Variants in TRRAP observed in about 807,000 individuals in gnomAD.
TRRAP encodes the protein transformation/transcription domain-associated protein.
Under a neutral mutation model 438.8 loss-of-function variants are expected in TRRAP, and 41 were observed. That is an observed-to-expected ratio of 0.09 (90% CI 0.07 to 0.12). The LOEUF is 0.12. TRRAP is among the 10% of genes least tolerant of loss of function. The pLI is 1.00. For missense variants in TRRAP, 3,122 were observed against 5,055.1 expected (o/e 0.62, Z 11.60); for synonymous variants, 1,994 against 1,962.9 (o/e 1.02, Z -0.42).
At chr7:98,991,341 G>A (rs188109841) in intron 64 of TRRAP, among the ~76,000 whole-genome samples, 2 of 152,310 alleles carry the variant, frequency 1.3e-5, no homozygotes, top group African/African-American at 4.8e-5. Context: ...CTGGGCCCGC[G>A]CGTTCTGCCC....
Position 98,961,221 on chromosome 7 carries a change from G to C in TRRAP, c.6490-40G>C, listed in dbSNP as rs780601256. 4 of 1,598,946 alleles carry C rather than the reference G, an allele frequency of 2.5e-6. No homozygotes were observed. In the Admixed American group the frequency reaches 6.7e-5, roughly 27 times the overall value. ...TTTCTAGAATTTGTTGTCATTGAGTGTTTGTTTCCTCTGTGAGTGGCCTGT... is the reference window on the plus strand; with the variant it reads ...TTTCTAGAATTTGTTGTCATTGAGTCTTTGTTTCCTCTGTGAGTGGCCTGT... On this transcript the variant is annotated intron_variant, in intron 45 of 72. Transcript: ENST00000456197.
At chr7:98,984,690 G>A (rs1160342188) in intron 61 of TRRAP, among the ~76,000 whole-genome samples, 3 of 152,184 alleles carry the variant, frequency 2.0e-5, no homozygotes, top group East Asian at 1.9e-4. Context: ...CAATAAAACC[G>A]ACCAGACCTA....
rs1792428860 is a variant in TRRAP at position 98,971,758 on chromosome 7, G to A, written c.7693-41G>A. ...GGTGTGTTTGTTGGGTTTTCTTGAA[G>A]CCTTTGACCTTTTGGTTTTGCTTGC... On this transcript the variant is annotated intron_variant, in intron 52 of 72. Coordinates refer to ENST00000456197, the MANE Select transcript of TRRAP (RefSeq NM_001375524.1). 2.5e-6 allele frequency: 4 copies of A among 1,594,030 alleles called. No individual in the cohort carries two copies. The South Asian group carries it at 4.5e-5, about 18-fold the overall frequency.
At chr7:98,900,473 C>T (rs1272426958) in intron 10 of TRRAP, 151 bp from the exon 11 acceptor site, 5 of 598,014 alleles carry the variant, frequency 8.4e-6, no homozygotes, top group Non-Finnish European at 1.4e-5. Flanking sequence ...TGGAATTGCA[C>T]GAAAGGTGTA....
intron 4 of TRRAP, 148 bp downstream of exon 4, chr7:98,890,593 G>A (rs1795920289): frequency 1.7e-6 from 1 of 577,386 alleles, no homozygotes; most frequent in Admixed American, 3.7e-5. Context: ...TGCCTCCTCA[G>A]TTACATGTCT....
At chr7:98,909,629 G>A (rs1487159448) in intron 14 of TRRAP, among the ~76,000 whole-genome samples, 1 of 152,236 alleles carries the variant, frequency 6.6e-6, no homozygotes, top group Non-Finnish European at 1.5e-5. Flanking sequence ...CAGAGTGTGA[G>A]GGATGTGATT....
chr7:98,957,866 A>G (rs1362755030), intron 43 of TRRAP, 115 bp from the exon 44 acceptor site: 2 of 851,082 alleles, frequency 2.3e-6, no homozygotes, highest in Admixed American at 2.0e-5. Context: ...CAGCGCCCAG[A>G]GCTGCCTCTG....
Position 99,005,141 on chromosome 7 carries a change from C to A in TRRAP, c.10546C>A (p.Arg3516=), listed in dbSNP as rs771203518. Residue 3516 remains arginine, a synonymous_variant, in exon 69 of 73, where the codon CGG becomes AGG. Coordinates refer to ENST00000456197, the MANE Select transcript of TRRAP (RefSeq NM_001375524.1). This position sits in a 1 kb window ranked among gnomAD's most constrained non-coding sequence, Gnocchi z 5.1. ...TTCTCGCTCTGGCAGGTTCATGCCC[C>A]GGGTAGAGATTGTGCAGAAGCACAA... The part of the protein sequence containing the change: ...YYIKIARFMP[R]VEIVQKHNTA... 6.2e-7 allele frequency: 1 copy of A among 1,613,412 alleles called. No individual in the cohort carries two copies. The highest frequency in any genetic ancestry group is 1.3e-5 in the African/African-American group (1 of 74,926).
At position 98,976,341 on chromosome 7, in the gene TRRAP, C is replaced by T; in HGVS notation, c.7959+73C>T. 2.5e-6 allele frequency: 4 copies of T among 1,586,752 alleles called. No homozygotes were observed. The highest frequency in any genetic ancestry group is 3.4e-6 in the Non-Finnish European group (4 of 1,167,424). ...TTTGGTAAGTATTCATAAAAGAACA[C>T]AGTCTCGAACAAGTTTCAGAAAATG... On this transcript the variant is annotated intron_variant, in intron 54 of 72. Transcript: ENST00000456197. This position sits in a 1 kb window ranked among gnomAD's most constrained non-coding sequence, Gnocchi z 4.6.
In TRRAP at chr7:98,945,788, C is replaced by T. The variant is rs1554416649; in HGVS notation, c.4515C>T (p.Phe1505=). 1 of 1,598,214 alleles carries T rather than the reference C, an allele frequency of 6.3e-7. No homozygotes were observed. Among genetic ancestry groups the T allele is most frequent in the African/African-American group, 1.3e-5 (1 of 74,942 alleles). The change falls in exon 32 of 73, where the codon TTC becomes TTT. Residue 1505 remains phenylalanine, a synonymous_variant. Coordinates refer to ENST00000456197, the MANE Select transcript of TRRAP (RefSeq NM_001375524.1). ...SECGRCPLSP[F]CQFEPAMEGV... ...GCGGGAGATGTCCCTTGTCTCCATT[C>T]TGTCAGTTTGAGGTGAGAACAACCT...
At position 98,948,607 on chromosome 7, in the gene TRRAP, T is replaced by G; in HGVS notation, c.4710T>G (p.Thr1570=). Residue 1570 remains threonine, a synonymous_variant, in exon 35 of 73, where the codon ACT becomes ACG. Coordinates refer to ENST00000456197, the MANE Select transcript of TRRAP (RefSeq NM_001375524.1). The surrounding 1 kb of genome is among the most constrained non-coding windows in gnomAD (Gnocchi z 4.9). ...GAGAGCCCCTGATCAAGTTCCTGAC[T>G]CGACATCCCTCGCAGACAGTGGAGC... The part of the protein sequence containing the change: ...PFREPLIKFL[T]RHPSQTVELF... The G allele has an allele frequency of 1.2e-6, 2 of 1,614,186 alleles. No individual in the cohort carries two copies. The highest frequency in any genetic ancestry group is 1.7e-5 in the Admixed American group (1 of 60,016).
Position 98,981,916 on chromosome 7 carries a change from C to A in TRRAP, c.8782C>A (p.Arg2928=). The A allele has an allele frequency of 6.2e-7, 1 of 1,608,234 alleles. No individual in the cohort carries two copies. The highest frequency in any genetic ancestry group is 8.5e-7 in the Non-Finnish European group (1 of 1,178,564). Residue 2928 remains arginine, a synonymous_variant, in exon 59 of 73, where the codon CGG becomes AGG. Transcript: ENST00000456197. ...CAGCCTGGCCATCCGCGAGTGGCGG[C>A]GGCTGCCCCACGTAGTGTCCCACGT... ...ASSLAIREWR[R]LPHVVSHVHT... is the part of the protein sequence containing the mutation.
chr7:98,954,293 C>T (rs1326274880), intron 40 of TRRAP, among the ~76,000 whole-genome samples: 1 of 152,236 alleles, frequency 6.6e-6, no homozygotes, highest in Non-Finnish European at 1.5e-5. Context: ...TGCCCTTTGG[C>T]AAGTTAATGT....
rs546499250 is a variant in TRRAP, at chr7:98,890,909, G to T, written c.261+464G>T. Among the ~76,000 whole-genome samples, 77 of 146,332 alleles carry T rather than the reference G, an allele frequency of 5.3e-4. 1 individual carries two copies. Among genetic ancestry groups the T allele is most frequent in the African/African-American group, 1.8e-3 (73 of 39,950 alleles). On this transcript the variant is annotated intron_variant, in intron 4 of 72. Coordinates refer to ENST00000456197, the MANE Select transcript of TRRAP (RefSeq NM_001375524.1). ...GGGATCAGGTGATCTTCCCACCTCA[G>T]TCTCCCCAGTAGCTGGGACTACTGG...
intron 19 of TRRAP, among the ~76,000 whole-genome samples, chr7:98,917,098 G>T (rs192961817): frequency 4.6e-5 from 7 of 152,210 alleles, no homozygotes; most frequent in Admixed American, 3.3e-4. Flanking sequence ...ACTGTTTAGA[G>T]AATAGACCTC....
chr7:99,003,827 G>A (rs1205457746), intron 67 of TRRAP, among the ~76,000 whole-genome samples: 1 of 152,224 alleles, frequency 6.6e-6, no homozygotes, highest in African/African-American at 2.4e-5. Flanking sequence ...ACTTTGGGAG[G>A]CTGAGGTGGG....
At chr7:98,951,966 G>A (rs1211059723) in intron 39 of TRRAP, among the ~76,000 whole-genome samples, 1 of 152,170 alleles carries the variant, frequency 6.6e-6, no homozygotes, top group Non-Finnish European at 1.5e-5. Flanking sequence ...GATTTTGAAC[G>A]TCAGGATGAG....
chr7:98,881,409 C>G (rs1022672444), intron 2 of TRRAP, among the ~76,000 whole-genome samples, 159 bp downstream of exon 2: 2 of 151,874 alleles, frequency 1.3e-5, no homozygotes, highest in Non-Finnish European at 2.9e-5. Flanking sequence ...CACGTCTCTA[C>G]TAAAATACAA....
At chr7:98,889,300 T>C (rs1795856682) in intron 3 of TRRAP, among the ~76,000 whole-genome samples, 1 of 152,166 alleles carries the variant, frequency 6.6e-6, no homozygotes, top group Non-Finnish European at 1.5e-5. Flanking sequence ...AGCACAGTAT[T>C]TGACATGTAA....
Sources: gnomAD v4.1 joint callset for allele counts (sites outside exome capture counted in the v4.1 genomes callset) on GRCh38, gnomAD v4.1.1 for gene constraint, Gnocchi (gnomAD v3.1) non-coding constraint, MANE v1.5 for transcripts, NCBI Gene and HGNC (gene_info 2026-07-23, HGNC 2026-07-21) for gene names.